Variants in WDPCP observed in about 807,000 individuals in gnomAD.
The protein encoded by WDPCP is WD repeat containing planar cell polarity effector, also known as WD repeat-containing and planar cell polarity effector protein fritz homolog.
WDPCP carries 71 observed loss-of-function variants against 93.1 expected under a neutral mutation model. The ratio of observed to expected loss-of-function variants is 0.76; its 90% CI spans 0.63 to 0.93. WDPCP has a LOEUF of 0.93. Ranked by LOEUF, WDPCP falls within the 40% of genes least tolerant of loss-of-function variation. The pLI, the probability that WDPCP is intolerant of heterozygous loss-of-function variation, is 0.00. For synonymous variants in WDPCP, 315 were observed against 315.0 expected, an observed-to-expected ratio of 1.00 and a Z score of 0.00; for missense variants, 844 against 887.4, an observed-to-expected ratio of 0.95 and a Z score of 0.62.
chr2:63,690,956 C>A (rs939176916), intron 2 of WDPCP, among the ~76,000 whole-genome samples: 21 of 151,938 alleles, frequency 1.4e-4, no homozygotes, highest in African/African-American at 4.8e-4. Context: ...TAAAAAAAAA[C>A]CACATAATTC....
chr2:63,577,171 A>C (rs997909531), intron 1 of WDPCP, among the ~76,000 whole-genome samples: 1 of 152,194 alleles, frequency 6.6e-6, no homozygotes, highest in Non-Finnish European at 1.5e-5. Context: ...ATATTTCCTG[A>C]AGCCAAAACC....
chr2:63,176,479 G>A (rs1242709737), intron 14 of WDPCP, among the ~76,000 whole-genome samples: 1 of 152,078 alleles, frequency 6.6e-6, no homozygotes, highest in African/African-American at 2.4e-5. Flanking sequence ...TTGAACTCCT[G>A]GGGTCAAGCA....
At chr2:63,597,644 C>A in intron 3 of WDPCP, 1 of 1,290,522 alleles carries the variant, frequency 7.7e-7, no homozygotes, top group Non-Finnish European at 1.0e-6. Context: ...AGCATTTAAG[C>A]AAAACCAAAA....
intron 13 of WDPCP, among the ~76,000 whole-genome samples, chr2:63,292,083 A>C (rs1343819598): frequency 1.4e-5 from 2 of 143,072 alleles, no homozygotes; most frequent in Non-Finnish European, 3.0e-5. Context: ...CAGTGAGCCG[A>C]GATCGCGCCA....
intron 1 of WDPCP, among the ~76,000 whole-genome samples, chr2:63,539,464 G>A (rs1211450736): frequency 2.0e-5 from 3 of 152,184 alleles, no homozygotes; most frequent in Admixed American, 2.0e-4. Context: ...GGGAGGCCAA[G>A]GAGGGCAGAT....
At chr2:63,692,647 C>T (rs1200669408) in intron 2 of WDPCP, among the ~76,000 whole-genome samples, 1 of 152,108 alleles carries the variant, frequency 6.6e-6, no homozygotes, top group African/African-American at 2.4e-5. Context: ...GTACTAAAAT[C>T]TCTTTTAGAT....
In WDPCP at chr2:63,482,586, G is replaced by T. The variant is rs183564811; in HGVS notation, c.384+2018C>A. Among the ~76,000 whole-genome samples the T allele has an allele frequency of 3.7e-3, 560 of 152,058 alleles. 1 individual carries two copies. The highest frequency in any genetic ancestry group is 9.3e-3 in the South Asian group (45 of 4,826). On this transcript the variant is annotated intron_variant, in intron 6 of 17. Coordinates refer to ENST00000272321, the MANE Select transcript of WDPCP (RefSeq NM_015910.7). ...AATTTTAATTTATTGCGATACCAGA[G>T]ATCTTTTGAAATAGAACCTACATAG...
chr2:63,676,899 T>G (rs1174914931), intron 2 of WDPCP, among the ~76,000 whole-genome samples: 1 of 152,224 alleles, frequency 6.6e-6, no homozygotes, highest in African/African-American at 2.4e-5. Context: ...TTTGACATTG[T>G]ACTATAGTTG....
intron 13 of WDPCP, among the ~76,000 whole-genome samples, chr2:63,281,130 GA>G (rs976144575): frequency 2.0e-5 from 3 of 149,144 alleles, no homozygotes; most frequent in African/African-American, 4.9e-5. Flanking sequence ...AAATCAGCAA[GA>G]AAAAAAAACC....
At chr2:63,583,078 T>G (rs1156571287) in intron 1 of WDPCP, among the ~76,000 whole-genome samples, 2 of 152,224 alleles carry the variant, frequency 1.3e-5, no homozygotes, top group Non-Finnish European at 2.9e-5. Flanking sequence ...ATAACGATGA[T>G]GTTGTATGGG....
At chr2:63,218,718 GAC>G (rs1677564245) in intron 14 of WDPCP, among the ~76,000 whole-genome samples, 1 of 151,990 alleles carries the variant, frequency 6.6e-6, no homozygotes, top group Non-Finnish European at 1.5e-5. Context: ...TTTTAGTAGA[GAC>G]AGGGTTTCAC....
chr2:63,273,651 A>G (rs898848592), intron 13 of WDPCP, among the ~76,000 whole-genome samples: 2 of 152,290 alleles, frequency 1.3e-5, no homozygotes, highest in Admixed American at 1.3e-4. Context: ...GCACAAATGG[A>G]AACCAACAAT....
chr2:63,500,321 A>G (rs1558719062), intron 1 of WDPCP, among the ~76,000 whole-genome samples: 1 of 152,224 alleles, frequency 6.6e-6, no homozygotes. Flanking sequence ...GAGTAAAGCC[A>G]TTGAGTAAGA....
At position 63,410,819 on chromosome 2, in the gene WDPCP, G is replaced by T. The variant is rs540842053; in HGVS notation, c.826-6162C>A. Among the ~76,000 whole-genome samples the T allele has an allele frequency of 3.9e-5, 6 of 152,284 alleles. No individual in the cohort carries two copies. In the East Asian group the frequency reaches 1.2e-3, roughly 29 times the overall value. On this transcript the variant is annotated intron_variant, in intron 9 of 17. Coordinates refer to ENST00000272321, the MANE Select transcript of WDPCP (RefSeq NM_015910.7). ...AGAGGGACACTATATAATGGTAAAA[G>T]ACCTTGCCCAACAGGAAAATATCAC... is the stretch of plus-strand genomic sequence containing the variant.
At chr2:63,472,751 G>A (rs1699767540) in intron 6 of WDPCP, among the ~76,000 whole-genome samples, 1 of 152,110 alleles carries the variant, frequency 6.6e-6, no homozygotes, top group Non-Finnish European at 1.5e-5. Context: ...GTAGAGACAG[G>A]GTTTTGCCAC....
At chr2:63,380,934 C>CA (rs1247695020) in intron 11 of WDPCP, among the ~76,000 whole-genome samples, 5 of 152,048 alleles carry the variant, frequency 3.3e-5, no homozygotes, top group African/African-American at 7.2e-5. Context: ...TCTATCCAAA[C>CA]AACTTGTTTA....
chr2:63,453,319 T>C (rs1698386168), intron 6 of WDPCP, among the ~76,000 whole-genome samples: 1 of 152,192 alleles, frequency 6.6e-6, no homozygotes, highest in African/African-American at 2.4e-5. Flanking sequence ...AAGACATTTA[T>C]GCAGCCAACA....
chr2:63,185,320 A>G lies in WDPCP; in HGVS notation c.1916-10488T>C, dbSNP rs10175047. Among the ~76,000 whole-genome samples the G allele has an allele frequency of 6.5e-3, 994 of 152,284 alleles. 12 individuals are homozygous for G. Among genetic ancestry groups the G allele is most frequent in the African/African-American group, 0.022 (929 of 41,538 alleles). On this transcript the variant is annotated intron_variant, in intron 14 of 17. Transcript: ENST00000272321. ...CTTGACTTTTCATGCTTCCAGTATT[A>G]TGCAGATTTTTTCTCATTTGGAGAA...
intron 14 of WDPCP, among the ~76,000 whole-genome samples, chr2:63,213,841 C>G (rs1677062187): frequency 1.3e-5 from 2 of 152,204 alleles, no homozygotes; most frequent in African/African-American, 4.8e-5. Flanking sequence ...ATACTATGAA[C>G]ACCTCTACAC....
Sources: gnomAD v4.1 joint callset for allele counts (sites outside exome capture counted in the v4.1 genomes callset) on GRCh38, gnomAD v4.1.1 for gene constraint, MANE v1.5 for transcripts, NCBI Gene and HGNC (gene_info 2026-07-23, HGNC 2026-07-21) for gene names.